The following DGKI variants were observed in gnomAD, a reference collection of about 807,000 sequenced individuals.
DGKI encodes the protein diacylglycerol kinase iota, also known as DAG kinase iota.
A neutral mutation model predicts 147.5 loss-of-function variants in DGKI; 55 were observed. The observed-to-expected ratio is 0.37, with a 90% CI of 0.30 to 0.47. The LOEUF is 0.47. Ranked by LOEUF, DGKI falls within the 20% of genes least tolerant of loss-of-function variation. The probability of loss-of-function intolerance (pLI) is 1.00; values close to 1 mark genes in which losing one functional copy is unlikely to be tolerated. For missense variants in DGKI, 1,007 were observed against 1,323.8 expected, an observed-to-expected ratio of 0.76 and a Z score of 3.71; for synonymous variants, 469 against 477.1, an observed-to-expected ratio of 0.98 and a Z score of 0.22.
chr7:137,755,310 C>G (rs117198323), intron 1 of DGKI, among the ~76,000 whole-genome samples: 1 of 152,218 alleles, frequency 6.6e-6, no homozygotes, highest in East Asian at 1.9e-4. Context: ...CCCCACCAAA[C>G]GAGGGGGCCA....
intron 3 of DGKI, among the ~76,000 whole-genome samples, chr7:137,668,833 T>C (rs964235078): frequency 9.2e-5 from 14 of 152,186 alleles, no homozygotes; most frequent in Admixed American, 7.9e-4. Flanking sequence ...ACAGAGGTAG[T>C]AGGTGATGCT....
chr7:137,540,862 A>G (rs1468595664), intron 20 of DGKI, among the ~76,000 whole-genome samples: 1 of 151,250 alleles, frequency 6.6e-6, no homozygotes, highest in East Asian at 1.9e-4. Flanking sequence ...TCTTTATGCA[A>G]AAAACTACCA....
At chr7:137,517,343 A>G (rs71550672) in intron 21 of DGKI, among the ~76,000 whole-genome samples, 100 of 121,888 alleles carry the variant, frequency 8.2e-4, no homozygotes, top group Non-Finnish European at 9.5e-4. Context: ...AAGAAAGAGA[A>G]AGAAAGAAAG....
At chr7:137,602,383 C>T (rs992349805) in intron 10 of DGKI, among the ~76,000 whole-genome samples, 9 of 152,202 alleles carry the variant, frequency 5.9e-5, no homozygotes, top group Admixed American at 2.0e-4. Context: ...ACAGAGGTGA[C>T]ATTTCTATTG....
At chr7:137,421,259 C>T (rs528591865) in intron 28 of DGKI, among the ~76,000 whole-genome samples, 4 of 152,300 alleles carry the variant, frequency 2.6e-5, no homozygotes, top group South Asian at 2.1e-4. Context: ...TTAGATACTA[C>T]GGTGGCTTTA....
At chr7:137,796,963 A>G (rs1296535221) in intron 1 of DGKI, among the ~76,000 whole-genome samples, 1 of 152,216 alleles carries the variant, frequency 6.6e-6, no homozygotes, top group East Asian at 1.9e-4. Context: ...TAAGAAGCAC[A>G]ATGAATTCCA....
chr7:137,438,525 T>C (rs1427355263), intron 28 of DGKI, among the ~76,000 whole-genome samples: 1 of 152,168 alleles, frequency 6.6e-6, no homozygotes, highest in Admixed American at 6.5e-5. Flanking sequence ...CATGTTATAA[T>C]GCTATAAGTT....
At chr7:137,436,050 C>T (rs1310994004) in intron 28 of DGKI, among the ~76,000 whole-genome samples, 1 of 152,194 alleles carries the variant, frequency 6.6e-6, no homozygotes, top group African/African-American at 2.4e-5. Context: ...GCTAAGATTA[C>T]AGGTGTAGGC....
chr7:137,522,709 A>G (rs1384879252), intron 20 of DGKI, among the ~76,000 whole-genome samples: 1 of 152,032 alleles, frequency 6.6e-6, no homozygotes, highest in Non-Finnish European at 1.5e-5. Flanking sequence ...CACTCCCCAA[A>G]TGTCTGTAAC....
At chr7:137,698,145 AATAT>A (rs147250252) in intron 1 of DGKI, among the ~76,000 whole-genome samples, 2 of 147,652 alleles carry the variant, frequency 1.4e-5, no homozygotes, top group African/African-American at 4.9e-5. Flanking sequence ...TATAACTCCA[AATAT>A]ATATATATAT....
At chr7:137,686,012 A>G (rs924473581) in intron 2 of DGKI, among the ~76,000 whole-genome samples, 2 of 152,156 alleles carry the variant, frequency 1.3e-5, no homozygotes, top group African/African-American at 4.8e-5. Flanking sequence ...GACATCAGTA[A>G]CCAAGCAGCT....
intron 1 of DGKI, among the ~76,000 whole-genome samples, chr7:137,704,961 T>C (rs1301671354): frequency 9.2e-5 from 14 of 152,328 alleles, no homozygotes; most frequent in Non-Finnish European, 5.9e-5. Flanking sequence ...AGAAATTCTA[T>C]GTGGATGCTT....
At chr7:137,659,133 T>C (rs1563136506) in intron 3 of DGKI, among the ~76,000 whole-genome samples, 2 of 152,172 alleles carry the variant, frequency 1.3e-5, no homozygotes, top group Non-Finnish European at 2.9e-5. Context: ...AGAGCTCCTT[T>C]TGAGTCAGTG....
chr7:137,672,629 G>A (rs1306866298), intron 3 of DGKI, among the ~76,000 whole-genome samples: 1 of 152,112 alleles, frequency 6.6e-6, no homozygotes, highest in Non-Finnish European at 1.5e-5. Context: ...CTTGGAGGGA[G>A]AATGAATTTC....
At chr7:137,578,361 C>T (rs746235873) in intron 15 of DGKI, 36 bp from the exon 16 acceptor site, 2 of 1,544,790 alleles carry the variant, frequency 1.3e-6, no homozygotes, top group East Asian at 4.5e-5. Context: ...TTATGGAGAC[C>T]TCACTAAAGG....
intron 21 of DGKI, among the ~76,000 whole-genome samples, chr7:137,505,953 A>G (rs1187475887): frequency 1.3e-5 from 2 of 152,088 alleles, no homozygotes; most frequent in Non-Finnish European, 2.9e-5. Context: ...AAAAACCACC[A>G]CCACCAAATG....
intron 6 of DGKI, among the ~76,000 whole-genome samples, chr7:137,627,194 AAG>A (rs1206380146): frequency 6.6e-6 from 1 of 152,186 alleles, no homozygotes; most frequent in Non-Finnish European, 1.5e-5. Flanking sequence ...AAAAATCTAC[AAG>A]AGTCTTCCAA....
At chr7:137,690,038 A>T (rs1563151923) in intron 1 of DGKI, 36 bp from the exon 2 acceptor site, 2 of 1,532,474 alleles carry the variant, frequency 1.3e-6, no homozygotes, top group East Asian at 4.6e-5. Context: ...AAAAACAAAG[A>T]AAAACCAACA....
At chr7:137,819,599 C>G (rs540571196) in intron 1 of DGKI, among the ~76,000 whole-genome samples, 2 of 152,248 alleles carry the variant, frequency 1.3e-5, no homozygotes, top group African/African-American at 4.8e-5. Context: ...CGTGAGCCAC[C>G]GCGCCCAGCC....
Sources: allele counts gnomAD v4.1 joint callset (sites outside exome capture counted in the v4.1 genomes callset), GRCh38; gene constraint gnomAD v4.1.1; transcripts MANE v1.5; gene names NCBI Gene and HGNC (gene_info 2026-07-23, HGNC 2026-07-21).